The following SPOCK1 variants were observed in gnomAD, a reference collection of about 807,000 sequenced individuals.
SPOCK1 encodes the protein testican-1.
A neutral mutation model predicts 55.3 loss-of-function variants in SPOCK1; 23 were observed. The ratio of observed to expected loss-of-function variants is 0.42; its 90% CI spans 0.30 to 0.59. SPOCK1 has a LOEUF of 0.59. Among genes scored for constraint, SPOCK1 ranks in the 20% least tolerant of loss-of-function variants. The probability of loss-of-function intolerance (pLI) is 0.22; values close to 1 mark genes in which losing one functional copy is unlikely to be tolerated. For synonymous variants in SPOCK1, 226 were observed against 221.0 expected (o/e 1.02, Z -0.20); for missense variants, 499 against 552.5 (o/e 0.90, Z 0.97).
intron 4 of SPOCK1, among the ~76,000 whole-genome samples, chr5:137,132,925 T>G (rs1753911121): frequency 6.6e-6 from 1 of 152,172 alleles, no homozygotes; most frequent in Non-Finnish European, 1.5e-5. Context: ...GGTAGGAGTC[T>G]CACTGGTTGA....
intron 2 of SPOCK1, among the ~76,000 whole-genome samples, chr5:137,299,748 A>T (rs1172191652): frequency 1.3e-5 from 2 of 152,166 alleles, no homozygotes; most frequent in Non-Finnish European, 2.9e-5. Flanking sequence ...ATTATTTCTA[A>T]TAAAGAGTCA....
At chr5:137,088,498 A>C (rs1310511895) in intron 5 of SPOCK1, among the ~76,000 whole-genome samples, 1 of 152,204 alleles carries the variant, frequency 6.6e-6, no homozygotes, top group Non-Finnish European at 1.5e-5. Context: ...AAGATAAAAA[A>C]GAACATTATC....
At chr5:137,425,448 A>G (rs1284101616) in intron 2 of SPOCK1, among the ~76,000 whole-genome samples, 1 of 152,100 alleles carries the variant, frequency 6.6e-6, no homozygotes, top group East Asian at 1.9e-4. Flanking sequence ...CCTGCTGACA[A>G]ATTCATCTCC....
intron 2 of SPOCK1, among the ~76,000 whole-genome samples, chr5:137,308,754 C>A (rs115222407): frequency 0.038 from 5,816 of 152,232 alleles, 361 homozygotes; most frequent in African/African-American, 0.13. Flanking sequence ...TGGACCCTGA[C>A]AGATACACCA....
intron 2 of SPOCK1, among the ~76,000 whole-genome samples, chr5:137,342,742 G>T (rs78094792): frequency 7.9e-5 from 12 of 152,356 alleles, no homozygotes; most frequent in African/African-American, 2.9e-4. Context: ...AATTACCTGT[G>T]GTTGAGGAAG....
intron 2 of SPOCK1, among the ~76,000 whole-genome samples, chr5:137,489,342 T>C (rs1379011350): frequency 6.6e-6 from 1 of 152,174 alleles, no homozygotes; most frequent in East Asian, 1.9e-4. Flanking sequence ...CCATGTATAC[T>C]AGTCTCATTT....
intron 3 of SPOCK1, among the ~76,000 whole-genome samples, chr5:137,166,427 T>C (rs1226124054): frequency 1.3e-5 from 2 of 151,636 alleles, no homozygotes; most frequent in African/African-American, 4.9e-5. Context: ...AAGGGAGTAC[T>C]TCAATTAGAA....
chr5:137,334,912 C>T (rs192802857), intron 2 of SPOCK1, among the ~76,000 whole-genome samples: 4 of 152,202 alleles, frequency 2.6e-5, no homozygotes, highest in East Asian at 1.9e-4. Flanking sequence ...AGGGCGTACC[C>T]GTCACTAAGG....
intron 2 of SPOCK1, among the ~76,000 whole-genome samples, chr5:137,490,159 C>G (rs890455269): frequency 6.6e-6 from 1 of 152,216 alleles, no homozygotes; most frequent in Non-Finnish European, 1.5e-5. Context: ...CCTGCATTAA[C>G]TATTTGTTAT....
At chr5:137,376,518 G>A (rs1279073938) in intron 2 of SPOCK1, among the ~76,000 whole-genome samples, 1 of 152,220 alleles carries the variant, frequency 6.6e-6, no homozygotes, top group Non-Finnish European at 1.5e-5. Context: ...GTCCTCAGCC[G>A]TAGAGCTCCC....
At chr5:137,149,985 G>A (rs75420755) in intron 3 of SPOCK1, among the ~76,000 whole-genome samples, 6,564 of 152,198 alleles carry the variant, frequency 0.043, 472 homozygotes, top group African/African-American at 0.15. Context: ...TTCTAGCACA[G>A]GGCCTGGCGC....
In SPOCK1 at chr5:137,140,614, C is replaced by A; in HGVS notation, c.313G>T (p.Ala105Ser). 6.2e-7 allele frequency: 1 copy of A among 1,613,836 alleles called. No homozygotes were observed. The highest frequency in any genetic ancestry group is 8.5e-7 in the Non-Finnish European group (1 of 1,179,924). The change falls in exon 4 of 11, where the codon GCC (alanine) becomes TCC (serine). Residue 105 changes from alanine (A) to serine (S), a missense_variant. By Grantham distance (99) the Ala-to-Ser change is moderately conservative (BLOSUM62 1). Coordinates refer to ENST00000394945, the MANE Select transcript of SPOCK1 (RefSeq NM_004598.4). The stretch of plus-strand genomic sequence containing the variant: ...AGGTGCTTGCGGCTGACACACAGGG[C>A]GGTCTGGTAGTCCTGGGTCACACAC... Reference protein sequence around the residue: ...KVCVTQDYQTALCVSRKHLLP... With the variant: ...KVCVTQDYQTSLCVSRKHLLP...
intron 3 of SPOCK1, among the ~76,000 whole-genome samples, chr5:137,212,179 G>T (rs1406565027): frequency 6.6e-6 from 1 of 152,180 alleles, no homozygotes; most frequent in Admixed American, 6.5e-5. Flanking sequence ...ACAGAATTAA[G>T]TTAAACTGTA....
chr5:137,028,235 T>C (rs1751713756), intron 6 of SPOCK1, among the ~76,000 whole-genome samples: 3 of 152,088 alleles, frequency 2.0e-5, no homozygotes, highest in Admixed American at 6.6e-5. Context: ...GGACACATGC[T>C]CTCTGGCCAC....
chr5:137,141,172 G>A (rs574921865), intron 3 of SPOCK1, among the ~76,000 whole-genome samples: 81 of 152,330 alleles, frequency 5.3e-4, no homozygotes, highest in African/African-American at 1.9e-3. Flanking sequence ...CAAGCCAGGG[G>A]AAATTCTGTG....
At chr5:137,281,837 C>A (rs1757170372) in intron 2 of SPOCK1, among the ~76,000 whole-genome samples, 1 of 152,308 alleles carries the variant, frequency 6.6e-6, no homozygotes, top group African/African-American at 2.4e-5. Context: ...CCTCGGATGT[C>A]CGTTTCTCAC....
chr5:137,377,236 G>A (rs571258672), intron 2 of SPOCK1, among the ~76,000 whole-genome samples: 146 of 152,338 alleles, frequency 9.6e-4, no homozygotes, highest in Middle Eastern at 3.4e-3. Context: ...ACAGGTTACT[G>A]GGCAAGGCAG....
intron 2 of SPOCK1, among the ~76,000 whole-genome samples, chr5:137,292,137 A>G (rs989002711): frequency 2.6e-5 from 4 of 152,202 alleles, no homozygotes; most frequent in Non-Finnish European, 5.9e-5. Context: ...ACAGGGAACA[A>G]TAACTCGGCT....
At chr5:137,298,369 A>G (rs886690074) in intron 2 of SPOCK1, among the ~76,000 whole-genome samples, 2 of 152,212 alleles carry the variant, frequency 1.3e-5, no homozygotes, top group African/African-American at 2.4e-5. Context: ...AACAAACTTC[A>G]TAACATTTCA....
Sources: gnomAD v4.1 joint callset for allele counts (sites outside exome capture counted in the v4.1 genomes callset) on GRCh38, gnomAD v4.1.1 for gene constraint, MANE v1.5 for transcripts, NCBI Gene and HGNC (gene_info 2026-07-23, HGNC 2026-07-21) for gene names.